AGMO: variants seen among roughly 807,000 people sequenced by gnomAD.
AGMO encodes glyceryl-ether monooxygenase.
AGMO carries 75 observed loss-of-function variants against 60.2 expected under a neutral mutation model. The ratio of observed to expected loss-of-function variants is 1.25; its 90% CI spans 1.03 to 1.51. The LOEUF (loss-of-function observed/expected upper bound fraction) is 1.51. AGMO is among the 40% of genes most tolerant of loss of function. The pLI, the probability that AGMO is intolerant of heterozygous loss-of-function variation, is 0.00. For synonymous variants in AGMO, 261 were observed against 177.1 expected (o/e 1.47, Z -3.76); for missense variants, 763 against 525.5 (o/e 1.45, Z -4.42).
At chr7:15,247,445 C>CAG in intron 12 of AGMO, among the ~76,000 whole-genome samples, 1 of 141,720 alleles carries the variant, frequency 7.1e-6, no homozygotes. Flanking sequence ...CACACACACA[C>CAG]ACACACACAC....
In AGMO at chr7:15,229,507, CAA is replaced by C. The variant is rs61390345; in HGVS notation, c.1264-28150_1264-28149del. The stretch of plus-strand genomic sequence containing the variant: ...CCATCTACACATCCCCTCATCCTTC[CAA>C]AAAAAAAAAAGAAAGAAGAAATAAA... On this transcript the variant is annotated intron_variant, in intron 12 of 12. Transcript: ENST00000342526. Among the ~76,000 whole-genome samples, 24 of 140,076 alleles carry C rather than the reference CAA, an allele frequency of 1.7e-4. 1 individual carries two copies. Among genetic ancestry groups the C allele is most frequent in the Admixed American group, 5.8e-4 (8 of 13,760 alleles). 91.9% of individuals were successfully genotyped at this position (140,076 alleles called of 152,430 possible).
chr7:15,413,318 T>C (rs913455259), intron 5 of AGMO, among the ~76,000 whole-genome samples: 1 of 152,150 alleles, frequency 6.6e-6, no homozygotes, highest in Non-Finnish European at 1.5e-5. Context: ...TCTTATAAAT[T>C]ACAGAGCATT....
chr7:15,341,521 GAAGTTCCA>G (rs1309673652), intron 12 of AGMO, among the ~76,000 whole-genome samples: 1 of 152,096 alleles, frequency 6.6e-6, no homozygotes, highest in Non-Finnish European at 1.5e-5. Context: ...AAGTCTCTAG[GAAGTTCCA>G]AAGTTTCCCA....
chr7:15,327,484 A>G (rs938016724), intron 12 of AGMO, among the ~76,000 whole-genome samples: 5 of 152,112 alleles, frequency 3.3e-5, no homozygotes, highest in South Asian at 4.1e-4. Context: ...TGCAAAGATC[A>G]TTTGTTCAAC....
intron 2 of AGMO, among the ~76,000 whole-genome samples, chr7:15,553,626 C>G (rs78605449): frequency 0.012 from 1,807 of 152,038 alleles, 31 homozygotes; most frequent in African/African-American, 0.042. Flanking sequence ...TTCTTGTCAA[C>G]TCCAGTGAAA....
chr7:15,222,122 G>C (rs963956341), intron 12 of AGMO, among the ~76,000 whole-genome samples: 6 of 152,032 alleles, frequency 3.9e-5, no homozygotes, highest in African/African-American at 7.2e-5. Context: ...CTTCAAATTA[G>C]TCCAACTTGC....
Position 15,354,359 on chromosome 7 carries a change from T to TGTATATAGACGC in AGMO, c.1263+11154_1263+11155insGCGTCTATATAC, listed in dbSNP as rs1486435481. 1.8e-4 allele frequency among the ~76,000 whole-genome samples: 11 copies of TGTATATAGACGC among 59,500 alleles called. 2 individuals are homozygous for TGTATATAGACGC. The highest frequency in any genetic ancestry group is 4.3e-4 in the African/African-American group (4 of 9,340). The allele number at this position is 59,500 out of a possible 152,430, so 39.0% of individuals were successfully genotyped here. ...GTATATACACGCGTGTATATAGACG[T>TGTATATAGACGC]GTGTATATAGACGTGTGTATACACG... On this transcript the variant is annotated intron_variant, in intron 12 of 12. Coordinates refer to ENST00000342526, the MANE Select transcript of AGMO (RefSeq NM_001004320.2).
rs1258101152 is a variant in AGMO at position 15,363,440 on chromosome 7, T to G, written c.1263+2074A>C. On this transcript the variant is annotated intron_variant, in intron 12 of 12. Transcript: ENST00000342526. Reference sequence around the variant, plus strand: ...TCTTATTTAATCCTCAAAATCCTACTTAGATGGATGTTATACTTCCTCCTT... The same window carrying G: ...TCTTATTTAATCCTCAAAATCCTACGTAGATGGATGTTATACTTCCTCCTT... Among the ~76,000 whole-genome samples the G allele has an allele frequency of 2.0e-5, 3 of 152,146 alleles. No homozygotes were observed. The East Asian group carries it at 5.8e-4, about 29-fold the overall frequency.
chr7:15,468,671 C>T (rs767455633), intron 3 of AGMO, among the ~76,000 whole-genome samples: 18 of 151,966 alleles, frequency 1.2e-4, no homozygotes, highest in Non-Finnish European at 2.1e-4. Context: ...CATATATGAA[C>T]ATAAAATACA....
chr7:15,266,401 C>CAA (rs141128653), intron 12 of AGMO, among the ~76,000 whole-genome samples: 4 of 150,980 alleles, frequency 2.6e-5, no homozygotes, highest in Admixed American at 1.3e-4. Context: ...ATGGAAAAAG[C>CAA]AAAAAAAAGT....
At chr7:15,415,299 C>T (rs933483089) in intron 5 of AGMO, among the ~76,000 whole-genome samples, 1 of 151,952 alleles carries the variant, frequency 6.6e-6, no homozygotes, top group Admixed American at 6.6e-5. Context: ...AATCCCAGCA[C>T]TTTGGAAGGC....
chr7:15,414,118 C>T, intron 5 of AGMO, among the ~76,000 whole-genome samples: 1 of 151,964 alleles, frequency 6.6e-6, no homozygotes, highest in East Asian at 1.9e-4. Context: ...TGCCATTCTC[C>T]TGCCTCAGCC....
chr7:15,132,065 G>A, the AGMO span, among the ~76,000 whole-genome samples: 1 of 152,150 alleles, frequency 6.6e-6, no homozygotes, highest in African/African-American at 2.4e-5. Context: ...TTCTGAGGCA[G>A]AGAGGAGTGG....
chr7:15,425,096 A>G (rs374254308), intron 4 of AGMO, among the ~76,000 whole-genome samples: 27 of 152,302 alleles, frequency 1.8e-4, no homozygotes, highest in African/African-American at 6.5e-4. Context: ...ACACTCATAA[A>G]TTAAAGTGAT....
At chr7:15,556,792 A>G (rs993203994) in intron 2 of AGMO, among the ~76,000 whole-genome samples, 1 of 152,114 alleles carries the variant, frequency 6.6e-6, no homozygotes, top group East Asian at 1.9e-4. Context: ...ACTAATTGTT[A>G]GAAACGCAGA....
chr7:15,451,807 T>A (rs1781862617), intron 3 of AGMO, among the ~76,000 whole-genome samples: 1 of 151,956 alleles, frequency 6.6e-6, no homozygotes, highest in Non-Finnish European at 1.5e-5. Flanking sequence ...AGAAGAAGAT[T>A]TATAGACCAA....
intron 3 of AGMO, among the ~76,000 whole-genome samples, chr7:15,488,777 G>A (rs1002041786): frequency 2.0e-5 from 3 of 151,682 alleles, no homozygotes; most frequent in African/African-American, 7.3e-5. Flanking sequence ...TTGTGCCCAA[G>A]CTTAGTTACA....
chr7:15,169,339 T>G, the AGMO span, among the ~76,000 whole-genome samples: 2 of 151,224 alleles, frequency 1.3e-5, no homozygotes, highest in African/African-American at 4.9e-5. Context: ...GATTTACCAA[T>G]TGCTGATTAC....
At chr7:15,421,132 T>C (rs954882180) in intron 4 of AGMO, among the ~76,000 whole-genome samples, 1 of 152,162 alleles carries the variant, frequency 6.6e-6, no homozygotes, top group Non-Finnish European at 1.5e-5. Flanking sequence ...TTTGCTATTG[T>C]AGAAGGCGTT....
Sources: gnomAD v4.1 joint callset for allele counts (sites outside exome capture counted in the v4.1 genomes callset) on GRCh38, gnomAD v4.1.1 for gene constraint, MANE v1.5 for transcripts, NCBI Gene and HGNC (gene_info 2026-07-23, HGNC 2026-07-21) for gene names.